Variants in ABL1 observed in about 807,000 individuals in gnomAD.
ABL1 encodes the protein tyrosine-protein kinase ABL1.
In ABL1, 11 loss-of-function variants were observed where a neutral mutation model predicts 94.7. The ratio of observed to expected loss-of-function variants is 0.12; its 90% CI spans 0.07 to 0.19. ABL1 has a LOEUF of 0.19. Ranked by LOEUF, ABL1 falls within the 10% of genes least tolerant of loss-of-function variation. The probability of loss-of-function intolerance (pLI) is 1.00; values close to 1 mark genes in which losing one functional copy is unlikely to be tolerated. For synonymous variants in ABL1, 656 were observed against 622.4 expected (o/e 1.05, Z -0.80); for missense variants, 1,082 against 1,489.4 (o/e 0.73, Z 4.50).
intron 1 of ABL1, among the ~76,000 whole-genome samples, chr9:130,840,587 A>G (rs1018362499): frequency 6.6e-6 from 1 of 152,242 alleles, no homozygotes; most frequent in African/African-American, 2.4e-5. Context: ...TTTCCTCCAT[A>G]ATGGTGGATC....
chr9:130,839,963 G>A (rs1286059627), intron 1 of ABL1, among the ~76,000 whole-genome samples: 11 of 152,196 alleles, frequency 7.2e-5, no homozygotes, highest in African/African-American at 1.2e-4. Flanking sequence ...GAGGCTCACT[G>A]TACCTTGGTG....
chr9:130,718,405 G>C (rs1241339815), intron 1 of ABL1, among the ~76,000 whole-genome samples: 1 of 151,606 alleles, frequency 6.6e-6, no homozygotes, highest in African/African-American at 2.4e-5. Flanking sequence ...TAGAAAGTCT[G>C]TTTTGGGGGG....
intron 1 of ABL1, among the ~76,000 whole-genome samples, chr9:130,776,531 C>G (rs1051003177): frequency 2.0e-5 from 3 of 151,418 alleles, no homozygotes; most frequent in Non-Finnish European, 4.4e-5. Flanking sequence ...GACCAGAGAT[C>G]GTGCTACTGT....
chr9:130,819,532 CTTTTTTTTTTTTTTT>C (rs34341889), intron 1 of ABL1, among the ~76,000 whole-genome samples: 2 of 96,284 alleles, frequency 2.1e-5, no homozygotes, highest in African/African-American at 9.6e-5. Flanking sequence ...AGAAAAATAC[CTTTTTTTTTTTTTTT>C]TTTTTTTTGG....
At chr9:130,780,598 C>T (rs749589860) in intron 1 of ABL1, among the ~76,000 whole-genome samples, 1 of 152,184 alleles carries the variant, frequency 6.6e-6, no homozygotes, top group African/African-American at 2.4e-5. Flanking sequence ...TCCCTCTTCC[C>T]TCATCTCCCT....
At chr9:130,800,622 T>C (rs1830041497) in intron 1 of ABL1, among the ~76,000 whole-genome samples, 2 of 152,204 alleles carry the variant, frequency 1.3e-5, no homozygotes, top group South Asian at 4.1e-4. Flanking sequence ...TTCCTATGAA[T>C]GGAACCATAT....
intron 4 of ABL1, among the ~76,000 whole-genome samples, chr9:130,865,737 C>A (rs370300072): frequency 2.1e-5 from 3 of 143,442 alleles, no homozygotes; most frequent in African/African-American, 8.2e-5. Flanking sequence ...CAGAGTGAGA[C>A]CCTGTCTCCA....
chr9:130,832,934 A>G (rs1830509749), upstream of ABL1, among the ~76,000 whole-genome samples: 2 of 152,342 alleles, frequency 1.3e-5, no homozygotes, highest in South Asian at 4.1e-4. Flanking sequence ...TTCAGTATCC[A>G]TTGCCACTAA....
At position 130,854,902 on chromosome 9, in the gene ABL1, G is replaced by A. The variant is rs2132958023; in HGVS notation, c.355G>A (p.Val119Ile). The A allele has an allele frequency of 6.2e-7, 1 of 1,614,226 alleles. No homozygotes were observed. Among genetic ancestry groups the A allele is most frequent in the Non-Finnish European group, 8.5e-7 (1 of 1,180,038 alleles). Residue 119 changes from valine (V) to isoleucine (I), a missense_variant, in exon 3 of 11, where the codon GTC (valine) becomes ATC (isoleucine). By Grantham distance (29) the Val-to-Ile change is conservative (BLOSUM62 3). Coordinates refer to ENST00000318560, the MANE Select transcript of ABL1 (RefSeq NM_005157.6). ...GGTCCCAAGCAACTACATCACGCCA[G>A]TCAACAGTCTGGAGAAACACTCCTG... ...GWVPSNYITP[V>I]NSLEKHSWYH...
intron 1 of ABL1, among the ~76,000 whole-genome samples, chr9:130,788,379 G>C (rs960757796): frequency 6.6e-6 from 1 of 152,098 alleles, no homozygotes; most frequent in Non-Finnish European, 1.5e-5. Context: ...GGAATCATTT[G>C]GGAGTAGGTC....
intron 1 of ABL1, among the ~76,000 whole-genome samples, chr9:130,760,177 A>C (rs963288476): frequency 6.6e-6 from 1 of 151,934 alleles, no homozygotes; most frequent in Non-Finnish European, 1.5e-5. Flanking sequence ...TCACAGACCA[A>C]TTTGGGTTAA....
chr9:130,732,999 A>G (rs1035671125), intron 1 of ABL1, among the ~76,000 whole-genome samples: 1 of 152,246 alleles, frequency 6.6e-6, no homozygotes, highest in African/African-American at 2.4e-5. Context: ...AACAGGAAAT[A>G]GAATTGCTAA....
intron 10 of ABL1, among the ~76,000 whole-genome samples, chr9:130,883,708 A>G (rs1339497310): frequency 6.6e-6 from 1 of 152,166 alleles, no homozygotes. Flanking sequence ...CAGCTAGCCG[A>G]GAGGCCTATG....
chr9:130,856,995 C>T (rs1830985021), intron 3 of ABL1, among the ~76,000 whole-genome samples: 1 of 152,200 alleles, frequency 6.6e-6, no homozygotes, highest in African/African-American at 2.4e-5. Flanking sequence ...TTTACACCAC[C>T]ACCCAGCCCT....
chr9:130,807,963 T>G (rs888310560), intron 1 of ABL1, among the ~76,000 whole-genome samples: 5 of 151,402 alleles, frequency 3.3e-5, no homozygotes, highest in Admixed American at 2.0e-4. Flanking sequence ...CTTTTCAAAG[T>G]GTTGGGATTA....
intron 1 of ABL1, among the ~76,000 whole-genome samples, chr9:130,801,923 C>G (rs1425830809): frequency 6.6e-6 from 1 of 152,116 alleles, no homozygotes; most frequent in African/African-American, 2.4e-5. Flanking sequence ...CAGCATCTTG[C>G]ATCTTCAAGT....
chr9:130,718,898 A>G (rs1045981129), intron 1 of ABL1, among the ~76,000 whole-genome samples: 2 of 152,152 alleles, frequency 1.3e-5, no homozygotes, highest in African/African-American at 4.8e-5. Flanking sequence ...AAGTTTGAGA[A>G]CTGTTGCTAT....
At chr9:130,850,900 T>TTTTTTGTTTG (rs1419320541) in intron 1 of ABL1, among the ~76,000 whole-genome samples, 1 of 151,798 alleles carries the variant, frequency 6.6e-6, no homozygotes, top group Non-Finnish European at 1.5e-5. Flanking sequence ...CACGTTGTTG[T>TTTTTTGTTTG]TTTTTGTTTG....
intron 1 of ABL1, among the ~76,000 whole-genome samples, chr9:130,786,016 A>G (rs974396066): frequency 4.6e-5 from 7 of 151,970 alleles, no homozygotes; most frequent in Non-Finnish European, 1.0e-4. Context: ...GGCCAATCCC[A>G]ATAAAAGAAA....
Sources: gnomAD v4.1 joint callset for allele counts (sites outside exome capture counted in the v4.1 genomes callset) on GRCh38, gnomAD v4.1.1 for gene constraint, MANE v1.5 for transcripts, NCBI Gene and HGNC (gene_info 2026-07-23, HGNC 2026-07-21) for gene names.